The following EEA1 variants were observed in gnomAD, a reference collection of about 807,000 sequenced individuals.
EEA1 encodes the protein early endosome antigen 1.
In EEA1, 111 loss-of-function variants were observed where a neutral mutation model predicts 209.2. The observed-to-expected ratio is 0.53, with a 90% confidence interval of 0.45 to 0.62. The LOEUF is 0.62. Among genes scored for constraint, EEA1 ranks in the 20% least tolerant of loss-of-function variants. The pLI is 0.00. For synonymous variants in EEA1, 536 were observed against 540.6 expected (o/e 0.99, Z 0.12); for missense variants, 1,343 against 1,530.8 (o/e 0.88, Z 2.05).
Position 92,785,324 on chromosome 12 carries a change from A to G in EEA1, c.3150+2543T>C, listed in dbSNP as rs117150521. 2.2e-3 allele frequency among the ~76,000 whole-genome samples: 338 copies of G among 152,234 alleles called. 2 individuals carry two copies. Among genetic ancestry groups the G allele is most frequent in the Non-Finnish European group, 1.4e-3 (93 of 68,018 alleles). On this transcript the variant is annotated intron_variant, in intron 22 of 28. Coordinates refer to ENST00000322349, the MANE Select transcript of EEA1 (RefSeq NM_003566.4). ...ATCAGGCCAGGCTACCTTCCATTCT[A>G]CTGGTGTCTAGGTATATACACTGTT... is the stretch of plus-strand genomic sequence containing the variant.
chr12:92,848,722 C>CTTTTTTTTTT, intron 9 of EEA1, among the ~76,000 whole-genome samples: 1 of 64,548 alleles, frequency 1.5e-5, no homozygotes, highest in South Asian at 8.2e-4. Context: ...ATATTCTCAC[C>CTTTTTTTTTT]TTTTTTTTTT....
chr12:92,822,570 A>AC (rs35073017), intron 13 of EEA1, among the ~76,000 whole-genome samples: 43,060 of 151,782 alleles, frequency 0.28, 6,518 homozygotes, highest in Non-Finnish European at 0.32. Flanking sequence ...TTTGGCTTCC[A>AC]TCTGCAGGTT....
At chr12:92,850,070 T>G (rs933720075) in intron 9 of EEA1, among the ~76,000 whole-genome samples, 1 of 152,192 alleles carries the variant, frequency 6.6e-6, no homozygotes, top group Non-Finnish European at 1.5e-5. Context: ...TCATGTCATG[T>G]AAGAAATAGT....
At chr12:92,870,570 A>T (rs2136730089) in intron 2 of EEA1, among the ~76,000 whole-genome samples, 1 of 152,332 alleles carries the variant, frequency 6.6e-6, no homozygotes, top group East Asian at 1.9e-4. Context: ...AGGGGTGTTA[A>T]AACAAAAATT....
chr12:92,924,201 CT>C (rs754907902), intron 1 of EEA1, among the ~76,000 whole-genome samples: 1,671 of 94,586 alleles, frequency 0.018, 10 homozygotes, highest in Middle Eastern at 0.045. Context: ...ACATTTAAGA[CT>C]TTTTTTTTTT....
intron 2 of EEA1, among the ~76,000 whole-genome samples, chr12:92,872,316 T>C (rs1878690607): frequency 1.3e-5 from 2 of 152,230 alleles, no homozygotes; most frequent in African/African-American, 2.4e-5. Context: ...CCCAAGGTAC[T>C]GGGATTACAG....
chr12:92,862,806 C>A (rs1002752724), intron 3 of EEA1, among the ~76,000 whole-genome samples: 7 of 152,204 alleles, frequency 4.6e-5, no homozygotes, highest in Non-Finnish European at 8.8e-5. Context: ...GTAGGAGGAG[C>A]AGATGTGTAA....
At chr12:92,803,557 G>T (rs1592710387) in intron 18 of EEA1, among the ~76,000 whole-genome samples, 1 of 151,910 alleles carries the variant, frequency 6.6e-6, no homozygotes, top group East Asian at 1.9e-4. Context: ...GAATAAATTT[G>T]TAACCAATAA....
At chr12:92,837,124 TAA>T (rs10590679) in intron 10 of EEA1, among the ~76,000 whole-genome samples, 64,891 of 142,638 alleles carry the variant, frequency 0.45, 15,606 homozygotes, top group East Asian at 0.89. Context: ...CTGTCTCATT[TAA>T]AAAAAAAAAA....
At chr12:92,797,001 T>C (rs1424782066) in intron 21 of EEA1, among the ~76,000 whole-genome samples, 1 of 152,248 alleles carries the variant, frequency 6.6e-6, no homozygotes, top group African/African-American at 2.4e-5. Flanking sequence ...CTTGAACATC[T>C]CTAGATTACT....
chr12:92,843,351 G>T (rs1274361948), intron 9 of EEA1, among the ~76,000 whole-genome samples: 2 of 152,080 alleles, frequency 1.3e-5, no homozygotes, highest in African/African-American at 4.8e-5. Context: ...TTGAGACAGG[G>T]TCTTACTATG....
Position 92,774,327 on chromosome 12 carries a change from T to A in EEA1, c.*1684A>T, listed in dbSNP as rs1001929207. On this transcript the variant is annotated 3_prime_UTR_variant, in exon 29 of 29. Coordinates refer to ENST00000322349, the MANE Select transcript of EEA1 (RefSeq NM_003566.4). ...CTAATGACAACAGGGTTTACTTAAA[T>A]TTTTTTTTAAATAATTAAACAAATA... 1.3e-4 allele frequency: 19 copies of A among 151,070 alleles called. No homozygotes were observed. Among genetic ancestry groups the A allele is most frequent in the Admixed American group, 4.0e-4 (6 of 15,132 alleles). 9.4% of individuals were successfully genotyped at this position (151,070 alleles called of 1,614,324 possible).
intron 1 of EEA1, among the ~76,000 whole-genome samples, chr12:92,906,628 C>A (rs866028914): frequency 6.6e-6 from 1 of 151,966 alleles, no homozygotes; most frequent in Admixed American, 6.6e-5. Flanking sequence ...CTGGCTAACA[C>A]GGTGAAACCC....
chr12:92,907,550 G>C (rs1880428156), intron 1 of EEA1, among the ~76,000 whole-genome samples: 2 of 151,862 alleles, frequency 1.3e-5, no homozygotes, highest in South Asian at 4.2e-4. Flanking sequence ...CATCTCCTTG[G>C]CCACTACCTT....
chr12:92,818,031 T>C (rs1314777967), intron 14 of EEA1, among the ~76,000 whole-genome samples: 6 of 152,320 alleles, frequency 3.9e-5, no homozygotes, highest in Middle Eastern at 3.4e-3. Flanking sequence ...ATAGTATTCA[T>C]TGGCCTCATA....
intron 2 of EEA1, among the ~76,000 whole-genome samples, chr12:92,874,864 A>G (rs1425709172): frequency 2.6e-5 from 4 of 152,234 alleles, no homozygotes; most frequent in Non-Finnish European, 5.9e-5. Context: ...TGCTCTCACC[A>G]CAAAGAAATG....
chr12:92,780,327 T>G lies in EEA1; in HGVS notation c.3421A>C (p.Thr1141Pro). ...GACTTGAGTTCTTCGTTTAGTTTAG[T>G]GATTTCTTTTTCTTGTCTACATTTA... is the stretch of plus-strand genomic sequence containing the variant. ...EIKCRQEKEI[T>P]KLNEELKSHK... Residue 1141 changes from threonine (T) to proline (P), a missense_variant, in exon 24 of 29, where the codon ACT (threonine) becomes CCT (proline). By Grantham distance (38) the Thr-to-Pro change is conservative (BLOSUM62 -1). Coordinates refer to ENST00000322349, the MANE Select transcript of EEA1 (RefSeq NM_003566.4). 1 of 1,604,600 alleles carries G rather than the reference T, an allele frequency of 6.2e-7. No homozygotes were observed.
At chr12:92,787,833 C>T in intron 22 of EEA1, 34 bp downstream of exon 22, 2 of 1,417,882 alleles carry the variant, frequency 1.4e-6, no homozygotes, top group South Asian at 3.5e-5. Flanking sequence ...ATAAAACTTA[C>T]TGAGACTTTA....
chr12:92,850,030 CAT>C (rs577606395), intron 9 of EEA1, among the ~76,000 whole-genome samples: 203 of 152,192 alleles, frequency 1.3e-3, no homozygotes, highest in African/African-American at 4.8e-3. Flanking sequence ...TAAATGCTGA[CAT>C]ATTATACAAG....
Sources: gnomAD v4.1 joint callset for allele counts (sites outside exome capture counted in the v4.1 genomes callset) on GRCh38, gnomAD v4.1.1 for gene constraint, MANE v1.5 for transcripts, NCBI Gene and HGNC (gene_info 2026-07-23, HGNC 2026-07-21) for gene names.